Variants in MYO9A observed in about 807,000 individuals in gnomAD.
MYO9A encodes the protein myosin IXA.
A neutral mutation model predicts 293.3 loss-of-function variants in MYO9A; 103 were observed. The ratio of observed to expected loss-of-function variants is 0.35; its 90% CI spans 0.30 to 0.41. The LOEUF (loss-of-function observed/expected upper bound fraction) is 0.41. Among genes scored for constraint, MYO9A ranks in the 10% least tolerant of loss-of-function variants. The pLI, the probability that MYO9A is intolerant of heterozygous loss-of-function variation, is 1.00. For missense variants in MYO9A, 2,685 were observed against 3,033.0 expected, an observed-to-expected ratio of 0.89 and a Z score of 2.69; for synonymous variants, 1,001 against 1,035.7, an observed-to-expected ratio of 0.97 and a Z score of 0.64.
At chr15:71,926,399 TTTTG>T (rs886587007) in intron 18 of MYO9A, among the ~76,000 whole-genome samples, 8 of 151,830 alleles carry the variant, frequency 5.3e-5, no homozygotes, top group Non-Finnish European at 8.8e-5. Flanking sequence ...CCCTGCATAT[TTTTG>T]TTTGTTTGTT....
At chr15:71,839,401 T>G (rs1047938110) in intron 39 of MYO9A, among the ~76,000 whole-genome samples, 6 of 151,236 alleles carry the variant, frequency 4.0e-5, no homozygotes, top group Non-Finnish European at 8.8e-5. Flanking sequence ...TGAATCAGGT[T>G]TTTTTTTTCT....
At chr15:72,087,691 T>C (rs1470832227) in intron 1 of MYO9A, among the ~76,000 whole-genome samples, 1 of 152,156 alleles carries the variant, frequency 6.6e-6, no homozygotes, top group Non-Finnish European at 1.5e-5. Context: ...GTGTGCCAGT[T>C]GTCCCAGTCC....
At chr15:71,875,979 G>T in intron 31 of MYO9A, 141 bp from the exon 32 acceptor site, 1 of 427,532 alleles carries the variant, frequency 2.3e-6, no homozygotes, top group South Asian at 1.3e-4. Context: ...ACTGTGCAGT[G>T]CTAATAAGCA....
rs764786877 is a variant in MYO9A, at chr15:71,828,004, G to C, written c.7063C>G (p.Leu2355Val). The C allele has an allele frequency of 2.3e-5, 37 of 1,613,480 alleles. No individual in the cohort carries two copies. The highest frequency in any genetic ancestry group is 2.2e-4 in the East Asian group (10 of 44,864). ...TCAGAGGCACGGGGTTCCAGTACAA[G>C]CATCTCAAATGTTAGCTCCTCCCTG... ...KEKEELTFEMLVLEPRASDDE... is the reference protein window; with the variant it reads ...KEKEELTFEMVVLEPRASDDE... Residue 2355 changes from leucine to valine, a missense_variant, in exon 41 of 42, where the codon CTT (leucine) becomes GTT (valine). By Grantham distance (32) the Leu-to-Val change is conservative (BLOSUM62 1). Around this residue, in one of 10 missense-constraint regions of MYO9A, gnomAD observed 350 missense variants for 328.9 expected, o/e 1.06. Transcript: ENST00000356056.
rs775302389 is a variant in MYO9A, at chr15:71,898,920, C to T, written c.3583G>A (p.Glu1195Lys). 9.9e-6 allele frequency: 16 copies of T among 1,613,980 alleles called. No homozygotes were observed. Among genetic ancestry groups the T allele is most frequent in the South Asian group, 4.4e-5 (4 of 91,080 alleles). ...EIQGSDPSGW[E>K]DCSFDNRIKA... ...ATTCTGTTGTCAAAAGAACAATCCTCCCATCCTGAAGGGTCTGAACCCTGA... is the reference window on the plus strand; with the variant it reads ...ATTCTGTTGTCAAAAGAACAATCCTTCCATCCTGAAGGGTCTGAACCCTGA... The change falls in exon 25 of 42, where the codon GAG becomes AAG. Residue 1195 changes from glutamate (E) to lysine (K), a missense_variant. By Grantham distance (56) the Glu-to-Lys change is moderately conservative. Transcript: ENST00000356056.
rs1325468606 is a variant in MYO9A at position 72,063,086 on chromosome 15, T to A, written c.-71-16452A>T. 4.6e-5 allele frequency among the ~76,000 whole-genome samples: 7 copies of A among 152,252 alleles called. No homozygotes were observed. In the East Asian group the frequency reaches 1.3e-3, roughly 29 times the overall value. ...TGAAACAGAATGGAGAACCCAGAAA[T>A]GAATCCATACATCTATAGTGAATTC... On this transcript the variant is annotated intron_variant, in intron 1 of 41. Coordinates refer to ENST00000356056, the MANE Select transcript of MYO9A (RefSeq NM_006901.4).
intron 20 of MYO9A, among the ~76,000 whole-genome samples, 199 bp downstream of exon 20, chr15:71,904,727 G>C (rs1374755826): frequency 6.6e-6 from 1 of 152,112 alleles, no homozygotes; most frequent in Non-Finnish European, 1.5e-5. Context: ...TCAAATTCTG[G>C]GTGATGCTAA....
chr15:72,053,906 T>C (rs1369444638), intron 1 of MYO9A, among the ~76,000 whole-genome samples: 1 of 152,054 alleles, frequency 6.6e-6, no homozygotes, highest in Non-Finnish European at 1.5e-5. Context: ...AAAGTCAGAA[T>C]AGGTAGATCA....
At chr15:71,875,117 T>C (rs2056642064) in intron 32 of MYO9A, among the ~76,000 whole-genome samples, 1 of 152,140 alleles carries the variant, frequency 6.6e-6, no homozygotes, top group African/African-American at 2.4e-5. Flanking sequence ...CCACATAATA[T>C]ATATGTGATA....
chr15:72,019,780 C>T (rs1207786575), intron 5 of MYO9A, among the ~76,000 whole-genome samples: 3 of 152,220 alleles, frequency 2.0e-5, no homozygotes, highest in East Asian at 1.9e-4. Context: ...GACGGAGTCT[C>T]GCTCTGTTGC....
intron 14 of MYO9A, among the ~76,000 whole-genome samples, chr15:71,956,326 AAAAAATATAT>A (rs1209305903): frequency 1.6e-3 from 16 of 9,906 alleles, no homozygotes; most frequent in African/African-American, 2.6e-3. Context: ...AAAAAAAAAA[AAAAAATATAT>A]ATATATATAT....
At position 72,045,742 on chromosome 15, in the gene MYO9A, T is replaced by C. The variant is rs752909181; in HGVS notation, c.822A>G (p.Gly274=). The C allele has an allele frequency of 1.9e-6, 3 of 1,602,782 alleles. No homozygotes were observed. The African/African-American group carries it at 4.0e-5, about 22-fold the overall frequency. Residue 274 remains glycine (G), a synonymous_variant, in exon 2 of 42, where the codon GGA becomes GGG. Transcript: ENST00000356056. ...FASGVEQIIL[G]AGPVLEAFGN... ...TATTTACCTCAAGTACTGGTCCAGC[T>C]CCAAGAATAATCTGTTCTACTCCAC...
At position 72,037,996 on chromosome 15, in the gene MYO9A, C is replaced by G. The variant is rs569749760; in HGVS notation, c.841-5408G>C. 5.2e-4 allele frequency among the ~76,000 whole-genome samples: 79 copies of G among 151,690 alleles called. 1 individual carries two copies. Among genetic ancestry groups the G allele is most frequent in the African/African-American group, 1.7e-3 (70 of 41,298 alleles). On this transcript the variant is annotated intron_variant, in intron 2 of 41. Transcript: ENST00000356056. The stretch of plus-strand genomic sequence containing the variant: ...GTGGCACCATCACAGCTCAGTGGAG[C>G]CTCAACTTCCTGAGCTCAAGCCATC...
chr15:71,937,027 AG>A (rs2058661353), intron 16 of MYO9A, among the ~76,000 whole-genome samples: 1 of 143,388 alleles, frequency 7.0e-6, no homozygotes, highest in South Asian at 2.6e-4. Context: ...GCAGGAAGGA[AG>A]GAAAAACGAA....
At chr15:72,006,543 G>C (rs896263286) in intron 8 of MYO9A, among the ~76,000 whole-genome samples, 3 of 151,988 alleles carry the variant, frequency 2.0e-5, no homozygotes, top group Non-Finnish European at 2.9e-5. Context: ...TTAGGGGGAG[G>C]GACTGAACAG....
chr15:72,074,275 A>G (rs2079278742), intron 1 of MYO9A, among the ~76,000 whole-genome samples: 1 of 152,204 alleles, frequency 6.6e-6, no homozygotes, highest in Admixed American at 6.5e-5. Context: ...ACTAAACAAG[A>G]AACTAATAAA....
rs1209552499 is a variant in MYO9A, at chr15:71,910,831, ACT to A, written c.2685+5537_2685+5538del. 1.6e-3 allele frequency among the ~76,000 whole-genome samples: 245 copies of A among 152,288 alleles called. 1 individual carries two copies. The highest frequency in any genetic ancestry group is 3.8e-4 in the Non-Finnish European group (26 of 68,030). On this transcript the variant is annotated intron_variant, in intron 19 of 41. Transcript: ENST00000356056. Reference sequence around the variant, plus strand: ...TATTAGGTTTTCTTCCTTTTAAAACACTGATTTTTAGTTCTTCATATTATACA... The same window carrying A: ...TATTAGGTTTTCTTCCTTTTAAAACAGATTTTTAGTTCTTCATATTATACA...
chr15:71,979,750 C>T (rs969756129), intron 11 of MYO9A, among the ~76,000 whole-genome samples: 2 of 152,160 alleles, frequency 1.3e-5, no homozygotes, highest in African/African-American at 2.4e-5. Context: ...AAAAAGTGTG[C>T]CAAACTCTGC....
chr15:72,051,222 T>C (rs994117034), intron 1 of MYO9A, among the ~76,000 whole-genome samples: 1 of 152,100 alleles, frequency 6.6e-6, no homozygotes, highest in African/African-American at 2.4e-5. Flanking sequence ...ATGCCACCGA[T>C]GGCAGCAGCG....
Sources: gnomAD v4.1 joint callset for allele counts (sites outside exome capture counted in the v4.1 genomes callset) on GRCh38, gnomAD v4.1.1 for gene constraint, gnomAD v4.1.1 regional missense constraint, MANE v1.5 for transcripts, NCBI Gene and HGNC (gene_info 2026-07-23, HGNC 2026-07-21) for gene names.